MICU2: variants seen among roughly 807,000 people sequenced by gnomAD.
MICU2 encodes the protein mitochondrial calcium uptake 2, also known as calcium uptake protein 2, mitochondrial.
Under a neutral mutation model 60.4 loss-of-function variants are expected in MICU2, and 64 were observed. That is an observed-to-expected ratio of 1.06 (90% CI 0.87 to 1.31). The LOEUF (loss-of-function observed/expected upper bound fraction) is 1.31. Among genes scored for constraint, MICU2 ranks in the 50% most tolerant of loss-of-function variants. The pLI is 0.00. For missense variants in MICU2, 569 were observed against 531.0 expected (o/e 1.07, Z -0.70); for synonymous variants, 201 against 175.0 (o/e 1.15, Z -1.17).
At position 21,576,970 on chromosome 13, in the gene MICU2, A is replaced by C. The variant is rs1293819266; in HGVS notation, c.211-10026T>G. ...ACAAAAAATTTTAAAACTTTCAGGTAAATGGAATAACGAAGGTTTGAATTC... is the reference window on the plus strand; with the variant it reads ...ACAAAAAATTTTAAAACTTTCAGGTCAATGGAATAACGAAGGTTTGAATTC... On this transcript the variant is annotated intron_variant, in intron 1 of 11. Transcript: ENST00000382374. Among the ~76,000 whole-genome samples, 4 of 152,356 alleles carry C rather than the reference A, an allele frequency of 2.6e-5. No homozygotes were observed. In the East Asian group the frequency reaches 7.7e-4, roughly 29 times the overall value.
At chr13:21,518,890 T>C (rs534771055) in intron 6 of MICU2, among the ~76,000 whole-genome samples, 2 of 152,288 alleles carry the variant, frequency 1.3e-5, no homozygotes, top group African/African-American at 4.8e-5. Flanking sequence ...TTTTATCTAC[T>C]GCTACCAGTT....
At chr13:21,514,583 G>GA (rs1265175421) in intron 6 of MICU2, among the ~76,000 whole-genome samples, 165 bp from the exon 7 acceptor site, 1 of 151,970 alleles carries the variant, frequency 6.6e-6, no homozygotes, top group Admixed American at 6.6e-5. Flanking sequence ...GCCCAGGCTG[G>GA]AGTGCAGTGG....
chr13:21,493,405 G>C, intron 11 of MICU2, 52 bp from the exon 12 acceptor site: 1 of 1,259,330 alleles, frequency 7.9e-7, no homozygotes, highest in Non-Finnish European at 1.1e-6. Flanking sequence ...GGTTAAACAT[G>C]ATTTCATATA....
intron 4 of MICU2, chr13:21,531,095 A>G (rs1009744645): frequency 1.6e-5 from 16 of 987,946 alleles, no homozygotes; most frequent in Non-Finnish European, 2.1e-5. Context: ...TTGATTTACA[A>G]CCAAGGCATA....
chr13:21,584,111 C>T (rs1315544740), intron 1 of MICU2, among the ~76,000 whole-genome samples: 8 of 152,130 alleles, frequency 5.3e-5, no homozygotes, highest in African/African-American at 1.9e-4. Context: ...TTGCACTGGC[C>T]AGGCACGGTG....
intron 4 of MICU2, among the ~76,000 whole-genome samples, chr13:21,526,239 C>T (rs1012463670): frequency 6.0e-5 from 9 of 150,546 alleles, no homozygotes; most frequent in African/African-American, 2.0e-4. Flanking sequence ...CAGGTGTGAG[C>T]CACTGTGCCC....
At position 21,520,170 on chromosome 13, in the gene MICU2, T is replaced by A. The variant is rs1324791612; in HGVS notation, c.597+1075A>T. 2.0e-5 allele frequency among the ~76,000 whole-genome samples: 3 copies of A among 152,200 alleles called. No homozygotes were observed. In the East Asian group the frequency reaches 5.8e-4, roughly 29 times the overall value. ...GTTCCTTTTTACTGTTAAGTAGTATTCTATTGTATGGATCCTATTTGTTTA... is the reference window on the plus strand; with the variant it reads ...GTTCCTTTTTACTGTTAAGTAGTATACTATTGTATGGATCCTATTTGTTTA... On this transcript the variant is annotated intron_variant, in intron 6 of 11. Transcript: ENST00000382374.
chr13:21,553,851 T>C lies in MICU2; in HGVS notation c.358+12946A>G, dbSNP rs567026018. ...GATGGAGGAAGATCTATCAAGCAAA[T>C]GGAAAACAAAAAAAGGCAGGGGTTG... On this transcript the variant is annotated intron_variant, in intron 2 of 11. Transcript: ENST00000382374. Among the ~76,000 whole-genome samples the C allele has an allele frequency of 5.4e-3, 821 of 151,696 alleles. 6 individuals carry two copies. The highest frequency in any genetic ancestry group is 0.018 in the African/African-American group (740 of 41,318).
intron 4 of MICU2, among the ~76,000 whole-genome samples, chr13:21,524,097 T>C (rs1390038099): frequency 8.5e-5 from 13 of 152,196 alleles, no homozygotes; most frequent in Non-Finnish European, 1.8e-4. Flanking sequence ...TCAAAAACCA[T>C]GGCTTCCTGA....
rs577448250 is a variant in MICU2, at chr13:21,598,545, G to A, written c.210+5394C>T. 7.9e-5 allele frequency among the ~76,000 whole-genome samples: 12 copies of A among 152,038 alleles called. No homozygotes were observed. The South Asian group carries it at 1.5e-3, about 18-fold the overall frequency. On this transcript the variant is annotated intron_variant, in intron 1 of 11. Coordinates refer to ENST00000382374, the MANE Select transcript of MICU2 (RefSeq NM_152726.3). ...AGCCTGACCAATATGGTGAAACCCCGTCTCTACTAAAAATACAAAAATTAG... is the reference window on the plus strand; with the variant it reads ...AGCCTGACCAATATGGTGAAACCCCATCTCTACTAAAAATACAAAAATTAG...
At chr13:21,572,958 T>C (rs1397426327) in intron 1 of MICU2, among the ~76,000 whole-genome samples, 1 of 152,154 alleles carries the variant, frequency 6.6e-6, no homozygotes. Flanking sequence ...AAAAAATGTT[T>C]TCCTGCTTAC....
intron 1 of MICU2, among the ~76,000 whole-genome samples, chr13:21,573,426 C>T (rs1411920394): frequency 6.6e-6 from 1 of 152,136 alleles, no homozygotes; most frequent in Non-Finnish European, 1.5e-5. Flanking sequence ...GCGCCCGCCA[C>T]CATGCCCGGC....
intron 1 of MICU2, among the ~76,000 whole-genome samples, chr13:21,577,804 C>CAAAAAA (rs56200015): frequency 1.9e-4 from 9 of 47,908 alleles, no homozygotes; most frequent in African/African-American, 5.2e-4. Flanking sequence ...GACTCGGTCT[C>CAAAAAA]AAAAAAAAAA....
At chr13:21,514,454 C>T (rs756697159) in intron 6 of MICU2, 36 bp from the exon 7 acceptor site, 1 of 1,535,100 alleles carries the variant, frequency 6.5e-7, no homozygotes, top group South Asian at 1.2e-5. Context: ...ACATGTGTGC[C>T]TACCAGATTT....
At chr13:21,511,860 G>A (rs1886436137) in intron 7 of MICU2, among the ~76,000 whole-genome samples, 1 of 150,812 alleles carries the variant, frequency 6.6e-6, no homozygotes, top group Non-Finnish European at 1.5e-5. Context: ...CATTCAGGTT[G>A]TCGTATCTTT....
chr13:21,562,446 T>C (rs1232174061), intron 2 of MICU2, among the ~76,000 whole-genome samples: 1 of 152,184 alleles, frequency 6.6e-6, no homozygotes, highest in Admixed American at 6.5e-5. Context: ...GTTTCATTTT[T>C]TTTGTCTTCC....
intron 1 of MICU2, among the ~76,000 whole-genome samples, chr13:21,588,695 G>C (rs1040577065): frequency 1.3e-4 from 20 of 152,214 alleles, no homozygotes; most frequent in Non-Finnish European, 2.6e-4. Context: ...ATAACCAGAA[G>C]TGGCACTTGT....
Position 21,588,941 on chromosome 13 carries a change from A to G in MICU2, c.210+14998T>C, listed in dbSNP as rs142938095. Among the ~76,000 whole-genome samples the G allele has an allele frequency of 2.0e-4, 30 of 152,346 alleles. No individual in the cohort carries two copies. The East Asian group carries it at 2.9e-3, about 15-fold the overall frequency. On this transcript the variant is annotated intron_variant, in intron 1 of 11. Transcript: ENST00000382374. ...AATAAAAATGTAGATTAGATAAACC[A>G]CATCTACTACAACCAACAGCGATTT... is the stretch of plus-strand genomic sequence containing the variant.
chr13:21,531,262 T>C, intron 4 of MICU2: 10 of 1,451,652 alleles, frequency 6.9e-6, no homozygotes, highest in Non-Finnish European at 9.7e-6. Flanking sequence ...TGGAGATAGA[T>C]TGGAAGATCC....
Sources: gnomAD v4.1 joint callset for allele counts (sites outside exome capture counted in the v4.1 genomes callset) on GRCh38, gnomAD v4.1.1 for gene constraint, MANE v1.5 for transcripts, NCBI Gene and HGNC (gene_info 2026-07-23, HGNC 2026-07-21) for gene names.